SGSM3: variants seen among roughly 807,000 people sequenced by gnomAD.
The protein encoded by SGSM3 is small G protein signaling modulator 3, also known as RUN and SH3 containing 3.
Under a neutral mutation model 100.5 loss-of-function variants are expected in SGSM3, and 96 were observed. The observed-to-expected ratio is 0.96, with a 90% CI of 0.81 to 1.13. The LOEUF is 1.13. SGSM3 is among the 50% of genes most tolerant of loss of function. The pLI, the probability that SGSM3 is intolerant of heterozygous loss-of-function variation, is 0.00. For synonymous variants in SGSM3, 483 were observed against 422.8 expected, an observed-to-expected ratio of 1.14 and a Z score of -1.75; for missense variants, 1,001 against 1,015.8, an observed-to-expected ratio of 0.99 and a Z score of 0.20.
intron 1 of SGSM3, among the ~76,000 whole-genome samples, chr22:40,385,355 C>CTTTGT (rs1003975549): frequency 7.9e-5 from 12 of 152,076 alleles, no homozygotes; most frequent in African/African-American, 2.7e-4. Flanking sequence ...GGGATAGTTG[C>CTTTGT]TTTGTTTTGT....
At chr22:40,409,197 A>G in intron 19 of SGSM3, 53 bp from the exon 20 acceptor site, 1 of 1,558,262 alleles carries the variant, frequency 6.4e-7, no homozygotes, top group Non-Finnish European at 8.7e-7. Context: ...CCGTGGCTGC[A>G]GCCAGAAGGG....
In SGSM3 at chr22:40,405,262, GCTA is replaced by G. The variant is rs1240818173; in HGVS notation, c.599_601del (p.Tyr200del). 2.0e-6 allele frequency: 3 copies of G among 1,522,536 alleles called. 1 individual carries two copies. Among genetic ancestry groups the G allele is most frequent in the Middle Eastern group, 3.5e-4 (2 of 5,686 alleles). The allele number at this position is 1,522,536 out of a possible 1,614,324, so 94.3% of individuals were successfully genotyped here. A position where few individuals can be genotyped will look rare whatever the true frequency, so the allele number is the denominator to read the frequency against. ...CTGGCCTGGCTCTACCCAGAGATCG[GCTA>G]CTGCCAGGGCACCGGCATGGTGAGC... On this transcript the variant is annotated inframe_deletion, in exon 7 of 22. Transcript: ENST00000248929.
intron 1 of SGSM3, chr22:40,390,438 T>A (rs2049199309): frequency 6.6e-6 from 1 of 152,240 alleles, no homozygotes; most frequent in Non-Finnish European, 1.5e-5. Flanking sequence ...AGATATACTG[T>A]AATTAAACAG....
At chr22:40,371,571 CAT>C (rs1237181270) in intron 1 of SGSM3, among the ~76,000 whole-genome samples, 2 of 152,212 alleles carry the variant, frequency 1.3e-5, no homozygotes, top group Non-Finnish European at 2.9e-5. Context: ...TTTATAGGTA[CAT>C]ATGTTTCCCG....
intron 1 of SGSM3, among the ~76,000 whole-genome samples, chr22:40,376,947 C>A (rs2046734452): frequency 6.6e-6 from 1 of 152,156 alleles, no homozygotes. Flanking sequence ...ATAGGAATAA[C>A]CAAATATGCT....
chr22:40,391,795 A>G (rs1381574753), intron 1 of SGSM3, among the ~76,000 whole-genome samples: 1 of 152,202 alleles, frequency 6.6e-6, no homozygotes, highest in Non-Finnish European at 1.5e-5. Context: ...TCTCAGTAGA[A>G]AAGAATGGTC....
intron 1 of SGSM3, among the ~76,000 whole-genome samples, chr22:40,383,565 G>A (rs2047939545): frequency 6.6e-6 from 1 of 152,040 alleles, no homozygotes. Flanking sequence ...AGCACTGAAA[G>A]AGGGATGGAA....
At position 40,409,274 on chromosome 22, in the gene SGSM3, G is replaced by T; in HGVS notation, c.2013G>T (p.Leu671=). The T allele has an allele frequency of 6.2e-7, 1 of 1,611,162 alleles. No homozygotes were observed. ...GTGAGCAGGTGCTGCACCTGTGGCT[G>T]GAGGTGCTCTGCTCCAGCCTGCCCA... ...GLNEQVLHLW[L]EVLCSSLPTV... is the part of the protein sequence containing the mutation. The change falls in exon 20 of 22, where the codon CTG becomes CTT. Residue 671 remains leucine (L), a synonymous_variant. Coordinates refer to ENST00000248929, the MANE Select transcript of SGSM3 (RefSeq NM_015705.6).
intron 1 of SGSM3, chr22:40,390,600 C>A (rs1051901385): frequency 6.6e-5 from 10 of 152,212 alleles, no homozygotes; most frequent in African/African-American, 2.4e-4. Context: ...GGCCAAAGAA[C>A]CTCTGAAGGA....
At chr22:40,392,409 G>A (rs59499029) in intron 1 of SGSM3, among the ~76,000 whole-genome samples, 3,472 of 152,092 alleles carry the variant, frequency 0.023, 133 homozygotes, top group African/African-American at 0.08. Flanking sequence ...AAATGAGAGA[G>A]AAGGGGATCC....
chr22:40,401,583 T>C lies in SGSM3; in HGVS notation c.8-10T>C, dbSNP rs2050766793. The C allele has an allele frequency of 1.9e-6, 3 of 1,608,632 alleles. No individual in the cohort carries two copies. The African/African-American group carries it at 4.0e-5, about 21-fold the overall frequency. On this transcript the variant is annotated splice_polypyrimidine_tract_variant and intron_variant, in intron 2 of 21. Transcript: ENST00000248929. The stretch of plus-strand genomic sequence containing the variant: ...TTCTTGATTGTTCTCCTGGTCCTCT[T>C]TGGTTTTAGGAAGCCATACACCTGC...
chr22:40,402,679 C>T (rs1256376176), intron 4 of SGSM3, among the ~76,000 whole-genome samples: 3 of 152,198 alleles, frequency 2.0e-5, no homozygotes, highest in Non-Finnish European at 4.4e-5. Context: ...GTGGAGGTTG[C>T]AGTGAGCTGA....
rs559134781 is a variant in SGSM3 at position 40,407,753 on chromosome 22, C to G, written c.1525-36C>G. Reference sequence around the variant, plus strand: ...TGCAGGAGGCGCTGGCCCAGGGCACCCAGCTTTGGTTCCTGCTGTTTTTCC... The same window carrying G: ...TGCAGGAGGCGCTGGCCCAGGGCACGCAGCTTTGGTTCCTGCTGTTTTTCC... On this transcript the variant is annotated intron_variant, in intron 13 of 21. Coordinates refer to ENST00000248929, the MANE Select transcript of SGSM3 (RefSeq NM_015705.6). This position sits in a 1 kb window ranked among gnomAD's most constrained non-coding sequence, Gnocchi z 4.7. 6.2e-7 allele frequency: 1 copy of G among 1,613,340 alleles called. No homozygotes were observed. The highest frequency in any genetic ancestry group is 1.1e-5 in the South Asian group (1 of 91,064).
intron 1 of SGSM3, among the ~76,000 whole-genome samples, chr22:40,375,623 AGTCTT>A (rs895206502): frequency 6.6e-6 from 1 of 151,920 alleles, no homozygotes; most frequent in Non-Finnish European, 1.5e-5. Flanking sequence ...CAGTGTCAAA[AGTCTT>A]ATCTTGGAAA....
At position 40,409,530 on chromosome 22, in the gene SGSM3, G is replaced by A; in HGVS notation, c.2172+5G>A. 6.2e-7 allele frequency: 1 copy of A among 1,604,132 alleles called. No individual in the cohort carries two copies. Among genetic ancestry groups the A allele is most frequent in the Non-Finnish European group, 8.5e-7 (1 of 1,175,858 alleles). ...GAGCTCCCTGCGAAGAGAGAGGTGG[G>A]TGGTGTGGGCCTCGTAGGGCCTGCA... On this transcript the variant is annotated splice_donor_5th_base_variant and intron_variant, in intron 21 of 21. Transcript: ENST00000248929.
intron 5 of SGSM3, 25 bp downstream of exon 5, chr22:40,404,480 G>A (rs748380486): frequency 3.4e-5 from 54 of 1,609,456 alleles, no homozygotes; most frequent in Non-Finnish European, 4.3e-5. Flanking sequence ...GGGACCCACA[G>A]GGTGTTGAGA....
rs2052391824 is a variant in SGSM3, at chr22:40,410,036, G to A, written c.*277G>A. On this transcript the variant is annotated 3_prime_UTR_variant, in exon 22 of 22. Coordinates refer to ENST00000248929, the MANE Select transcript of SGSM3 (RefSeq NM_015705.6). ...AGCCATGTCTGTGCTCAGGAAGAGG[G>A]AAGGGGATGGGGGTGGCTAGTAGGC... is the stretch of plus-strand genomic sequence containing the variant. 1 of 1,314,612 alleles carries A rather than the reference G, an allele frequency of 7.6e-7. No homozygotes were observed. The highest frequency in any genetic ancestry group is 9.7e-7 in the Non-Finnish European group (1 of 1,036,248). 81.4% of individuals were successfully genotyped at this position (1,314,612 alleles called of 1,614,324 possible). A position where few individuals can be genotyped will look rare whatever the true frequency, so the allele number is the denominator to read the frequency against.
chr22:40,395,315 C>T (rs528837918), intron 1 of SGSM3, among the ~76,000 whole-genome samples: 8 of 151,850 alleles, frequency 5.3e-5, no homozygotes, highest in Non-Finnish European at 1.2e-4. Flanking sequence ...ATTTAAATTA[C>T]CCCATAACTC....
At chr22:40,400,214 G>C (rs962363407) in intron 1 of SGSM3, among the ~76,000 whole-genome samples, 2 of 152,330 alleles carry the variant, frequency 1.3e-5, no homozygotes, top group South Asian at 4.1e-4. Flanking sequence ...TTTTTCTTCA[G>C]TGCCAGGTTT....
Sources: gnomAD v4.1 joint callset for allele counts (sites outside exome capture counted in the v4.1 genomes callset) on GRCh38, gnomAD v4.1.1 for gene constraint, Gnocchi (gnomAD v3.1) non-coding constraint, MANE v1.5 for transcripts, NCBI Gene and HGNC (gene_info 2026-07-23, HGNC 2026-07-21) for gene names.